SPIRE1: variants seen among roughly 807,000 people sequenced by gnomAD.
The protein encoded by SPIRE1 is protein spire homolog 1.
SPIRE1 carries 40 observed loss-of-function variants against 94.1 expected under a neutral mutation model. The ratio of observed to expected loss-of-function variants is 0.43; its 90% CI spans 0.33 to 0.55. The LOEUF is 0.55. Among genes scored for constraint, SPIRE1 ranks in the 20% least tolerant of loss-of-function variants. The pLI is 0.06. For missense variants in SPIRE1, 838 were observed against 975.2 expected (o/e 0.86, Z 1.87); for synonymous variants, 376 against 371.7 (o/e 1.01, Z -0.13).
At chr18:12,473,307 G>A (rs1321045662) in intron 10 of SPIRE1, among the ~76,000 whole-genome samples, 1 of 141,308 alleles carries the variant, frequency 7.1e-6, no homozygotes, top group African/African-American at 2.7e-5. Flanking sequence ...TTCAGTTCTG[G>A]CAAAAAAAAA....
intron 8 of SPIRE1, among the ~76,000 whole-genome samples, chr18:12,491,181 T>C (rs1197586285): frequency 6.7e-6 from 1 of 150,372 alleles, no homozygotes; most frequent in Non-Finnish European, 1.5e-5. Flanking sequence ...AGAATAATAT[T>C]CATGAATTGA....
intron 4 of SPIRE1, among the ~76,000 whole-genome samples, chr18:12,524,751 A>G (rs1353495302): frequency 6.6e-6 from 1 of 152,102 alleles, no homozygotes; most frequent in Non-Finnish European, 1.5e-5. Flanking sequence ...AGGTGGCAGG[A>G]TCACTTGAGG....
At chr18:12,452,198 A>C in intron 16 of SPIRE1, 57 bp downstream of exon 16, 3 of 1,607,788 alleles carry the variant, frequency 1.9e-6, no homozygotes, top group Non-Finnish European at 2.5e-6. Context: ...CACAGTCCTC[A>C]AGAGTAGAAC....
At chr18:12,654,646 C>A (rs1887674554) in intron 1 of SPIRE1, among the ~76,000 whole-genome samples, 3 of 151,626 alleles carry the variant, frequency 2.0e-5, no homozygotes, top group Non-Finnish European at 2.9e-5. Flanking sequence ...CTGAGCGAGA[C>A]TCCGTCTCAA....
intron 1 of SPIRE1, among the ~76,000 whole-genome samples, chr18:12,653,888 G>A (rs1053944200): frequency 2.0e-5 from 3 of 151,832 alleles, no homozygotes; most frequent in Non-Finnish European, 4.4e-5. Flanking sequence ...GGAAGTGGCA[G>A]TGAGCCAAGA....
chr18:12,586,434 A>AGATT (rs1414998810), intron 2 of SPIRE1, among the ~76,000 whole-genome samples: 2 of 152,204 alleles, frequency 1.3e-5, no homozygotes, highest in African/African-American at 4.8e-5. Context: ...CCAAGTTGCC[A>AGATT]GATTACCTTG....
intron 2 of SPIRE1, among the ~76,000 whole-genome samples, chr18:12,561,133 A>G (rs1438685924): frequency 6.6e-6 from 1 of 152,204 alleles, no homozygotes; most frequent in Non-Finnish European, 1.5e-5. Context: ...ATTAAAAAGA[A>G]AAAAGAAATA....
At chr18:12,471,911 A>T (rs962462068) in intron 10 of SPIRE1, among the ~76,000 whole-genome samples, 11 of 151,850 alleles carry the variant, frequency 7.2e-5, no homozygotes, top group Non-Finnish European at 1.6e-4. Flanking sequence ...CAGCCTCCCG[A>T]GTAGCTGGGA....
At chr18:12,527,944 TA>T (rs1466626779) in intron 4 of SPIRE1, among the ~76,000 whole-genome samples, 2 of 151,786 alleles carry the variant, frequency 1.3e-5, no homozygotes, top group Non-Finnish European at 2.9e-5. Flanking sequence ...CGGGTGCCTG[TA>T]GTCCCAGCTA....
chr18:12,455,959 G>C (rs1166875479), intron 12 of SPIRE1, among the ~76,000 whole-genome samples: 1 of 152,168 alleles, frequency 6.6e-6, no homozygotes, highest in Non-Finnish European at 1.5e-5. Flanking sequence ...ACTTAAAAAA[G>C]TAGTCTGAAG....
intron 14 of SPIRE1, among the ~76,000 whole-genome samples, chr18:12,452,847 A>G (rs576038144): frequency 6.6e-6 from 1 of 152,342 alleles, no homozygotes; most frequent in South Asian, 2.1e-4. Flanking sequence ...AAGAAGTAAC[A>G]TACAGAGAAA....
intron 9 of SPIRE1, among the ~76,000 whole-genome samples, chr18:12,481,666 C>T (rs868075953): frequency 2.0e-5 from 3 of 151,922 alleles, no homozygotes; most frequent in Non-Finnish European, 1.5e-5. Context: ...TTACTGTTAC[C>T]TTCCCAGGCA....
chr18:12,571,673 C>T (rs2035963895), intron 2 of SPIRE1, among the ~76,000 whole-genome samples: 1 of 152,224 alleles, frequency 6.6e-6, no homozygotes, highest in African/African-American at 2.4e-5. Flanking sequence ...TCTCTAAATA[C>T]TATTGTAATC....
chr18:12,628,669 T>C (rs1037754333), intron 2 of SPIRE1, among the ~76,000 whole-genome samples: 2 of 152,218 alleles, frequency 1.3e-5, no homozygotes, highest in African/African-American at 4.8e-5. Context: ...TATTGATTCT[T>C]CCTATCCATA....
chr18:12,632,843 T>C (rs1431628389), intron 2 of SPIRE1, among the ~76,000 whole-genome samples: 2 of 152,166 alleles, frequency 1.3e-5, no homozygotes, highest in African/African-American at 4.8e-5. Context: ...ACTAAACTAA[T>C]GTTAAGATCA....
Position 12,449,545 on chromosome 18 carries a change from A to T in SPIRE1, c.*93T>A. Reference sequence around the variant, plus strand: ...GATCTAATGCAAATTCAAGCCCATTAAATAAAACCACAGAAAGGAGAGCCA... The same window carrying T: ...GATCTAATGCAAATTCAAGCCCATTTAATAAAACCACAGAAAGGAGAGCCA... On this transcript the variant is annotated 3_prime_UTR_variant, in exon 17 of 17. Transcript: ENST00000409402. The T allele has an allele frequency of 1.5e-6, 2 of 1,314,658 alleles. No individual in the cohort carries two copies. The highest frequency in any genetic ancestry group is 2.1e-6 in the Non-Finnish European group (2 of 964,990). 81.4% of individuals were successfully genotyped at this position (1,314,658 alleles called of 1,614,324 possible). A position where few individuals can be genotyped will look rare whatever the true frequency, so the allele number is the denominator to read the frequency against.
At chr18:12,643,235 T>C (rs951983994) in intron 1 of SPIRE1, among the ~76,000 whole-genome samples, 13 of 152,184 alleles carry the variant, frequency 8.5e-5, no homozygotes, top group Non-Finnish European at 1.8e-4. Flanking sequence ...CTTTGTAAAC[T>C]GGGTTGATTT....
chr18:12,518,757 A>T (rs2034273994), intron 4 of SPIRE1, among the ~76,000 whole-genome samples: 1 of 152,222 alleles, frequency 6.6e-6, no homozygotes, highest in Admixed American at 6.5e-5. Flanking sequence ...AAGAGTATTA[A>T]ATACATTTCA....
At chr18:12,594,732 C>A (rs1266624684) in intron 2 of SPIRE1, among the ~76,000 whole-genome samples, 2 of 152,086 alleles carry the variant, frequency 1.3e-5, no homozygotes, top group Non-Finnish European at 2.9e-5. Flanking sequence ...GTGCATGGGT[C>A]CACTTATACA....
Sources: gnomAD v4.1 joint callset for allele counts (sites outside exome capture counted in the v4.1 genomes callset) on GRCh38, gnomAD v4.1.1 for gene constraint, MANE v1.5 for transcripts, NCBI Gene and HGNC (gene_info 2026-07-23, HGNC 2026-07-21) for gene names.